The following CHRNG variants were observed in gnomAD, a reference collection of about 807,000 sequenced individuals.
The protein encoded by CHRNG is cholinergic receptor nicotinic gamma subunit.
CHRNG carries 72 observed loss-of-function variants against 65.2 expected under a neutral mutation model. That is an observed-to-expected ratio of 1.10 (90% CI 0.91 to 1.34). The LOEUF (loss-of-function observed/expected upper bound fraction) is 1.34, where lower values mean the gene tolerates loss of function less well. CHRNG is among the 40% of genes most tolerant of loss of function. CHRNG has a pLI of 0.00. For synonymous variants in CHRNG, 284 were observed against 290.2 expected (o/e 0.98, Z 0.22); for missense variants, 637 against 680.1 (o/e 0.94, Z 0.70).
intron 11 of CHRNG, among the ~76,000 whole-genome samples, chr2:232,545,252 A>C (rs2106223422): frequency 6.6e-6 from 1 of 151,810 alleles, no homozygotes; most frequent in African/African-American, 2.4e-5. Context: ...GGTTGCAGTG[A>C]GCCAAGCCAA....
At position 232,546,306 on chromosome 2, in the gene CHRNG, CTCTTTTTT is replaced by C. The variant is rs1299931978; in HGVS notation, c.*592_*599del. On this transcript the variant is annotated 3_prime_UTR_variant, in exon 12 of 12. Coordinates refer to ENST00000651502, the MANE Select transcript of CHRNG (RefSeq NM_005199.5). ...AGACGATTTCCTGAGTTTTGTAATC[CTCTTTTTT>C]TTTTTTTTTTTTTTAGTTTTTGATG... 1.8e-3 allele frequency: 241 copies of C among 132,636 alleles called. No individual in the cohort carries two copies. The highest frequency in any genetic ancestry group is 4.8e-3 in the South Asian group (20 of 4,144). 8.2% of individuals were successfully genotyped at this position (132,636 alleles called of 1,614,324 possible).
At position 232,545,570 on chromosome 2, in the gene CHRNG, C is replaced by G; in HGVS notation, c.1408C>G (p.Arg470Gly). 6 of 1,613,932 alleles carry G rather than the reference C, an allele frequency of 3.7e-6. No homozygotes were observed. Among genetic ancestry groups the G allele is most frequent in the Non-Finnish European group, 5.1e-6 (6 of 1,179,996 alleles). Residue 470 changes from arginine (R) to glycine (G), a missense_variant, in exon 12 of 12, where the codon CGA becomes GGA. Coordinates refer to ENST00000651502, the MANE Select transcript of CHRNG (RefSeq NM_005199.5). ...GAATGAGGAGTGGTTCCTGGTGGGC[C>G]GAGTGCTGGACCGCGTCTGCTTCCT... is the stretch of plus-strand genomic sequence containing the variant. ...NGNEEWFLVG[R>G]VLDRVCFLAM...
At chr2:232,544,740 T>G (rs751397115) in intron 10 of CHRNG, 32 bp from the exon 11 acceptor site, 1 of 1,613,542 alleles carries the variant, frequency 6.2e-7, no homozygotes, top group Non-Finnish European at 8.5e-7. Context: ...TCCTCCATTC[T>G]ACTCCCAAAC....
rs1692146031 is a variant in CHRNG at position 232,547,072 on chromosome 2, C to G, written c.*1356C>G. Among the ~76,000 whole-genome samples the G allele has an allele frequency of 6.6e-6, 1 of 152,156 alleles. No individual in the cohort carries two copies. The highest frequency in any genetic ancestry group is 2.4e-5 in the African/African-American group (1 of 41,436). Reference sequence around the variant, plus strand: ...CACCCTTGGGCAAGTCACCTATGCTCCCTGAGGCTGTTCCCTCATCTGTAA... The same window carrying G: ...CACCCTTGGGCAAGTCACCTATGCTGCCTGAGGCTGTTCCCTCATCTGTAA... On this transcript the variant is annotated 3_prime_UTR_variant, in exon 12 of 12. Coordinates refer to ENST00000651502, the MANE Select transcript of CHRNG (RefSeq NM_005199.5).
chr2:232,541,721 C>A lies in CHRNG; in HGVS notation c.506+192C>A. ...GGTGCCCAAGCTCTCCCTGCTAAGC[C>A]CGAGTCCCCTCACTCATCCTTTACT... On this transcript the variant is annotated intron_variant, in intron 5 of 11. Coordinates refer to ENST00000651502, the MANE Select transcript of CHRNG (RefSeq NM_005199.5). The surrounding 1 kb of genome is among the most constrained non-coding windows in gnomAD (Gnocchi z 4.0). 1 of 655,112 alleles carries A rather than the reference C, an allele frequency of 1.5e-6. No individual in the cohort carries two copies. The highest frequency in any genetic ancestry group is 2.7e-5 in the East Asian group (1 of 37,072). The allele number at this position is 655,112 out of a possible 1,614,324, so 40.6% of individuals were successfully genotyped here.
rs779181232 is a variant in CHRNG, at chr2:232,543,645, C to G, written c.981C>G (p.Leu327=). Residue 327 remains leucine (L), a synonymous_variant, in exon 9 of 12, where the codon CTC becomes CTG. Coordinates refer to ENST00000651502, the MANE Select transcript of CHRNG (RefSeq NM_005199.5). The part of the protein sequence containing the change: ...ILIVVNAVVV[L]NVSLRSPHTH... ...TTGTCGTGAATGCTGTGGTTGTGCT[C>G]AATGTCTCCTTGCGGTCTCCACACA... 6.2e-7 allele frequency: 1 copy of G among 1,614,006 alleles called. No homozygotes were observed. Among genetic ancestry groups the G allele is most frequent in the South Asian group, 1.1e-5 (1 of 91,070 alleles).
rs1449938852 is a variant in CHRNG at position 232,546,324 on chromosome 2, T to C, written c.*608T>C. 1 of 156,388 alleles carries C rather than the reference T, an allele frequency of 6.4e-6. No homozygotes were observed. The highest frequency in any genetic ancestry group is 1.4e-5 in the Non-Finnish European group (1 of 70,734). 9.7% of individuals were successfully genotyped at this position (156,388 alleles called of 1,614,324 possible). A position where few individuals can be genotyped will look rare whatever the true frequency, so the allele number is the denominator to read the frequency against. ...TGTAATCCTCTTTTTTTTTTTTTTT[T>C]TTTTAGTTTTTGATGTGTTGTTGTT... On this transcript the variant is annotated 3_prime_UTR_variant, in exon 12 of 12. Transcript: ENST00000651502.
Position 232,540,731 on chromosome 2 carries a change from A to G in CHRNG, c.350+20A>G, listed in dbSNP as rs765555989. ...GAACAAGTGAGGAGGGGGTGCAGGC[A>G]GGGGTGTGGGGGACAAAGGACACAG... On this transcript the variant is annotated intron_variant, in intron 4 of 11. Transcript: ENST00000651502. The surrounding 1 kb of genome is among the most constrained non-coding windows in gnomAD (Gnocchi z 4.2). 137 of 1,598,396 alleles carry G rather than the reference A, an allele frequency of 8.6e-5. No homozygotes were observed. The highest frequency in any genetic ancestry group is 1.1e-4 in the Non-Finnish European group (133 of 1,171,650).
At chr2:232,544,615 C>A (rs1164676591) in intron 10 of CHRNG, 35 bp downstream of exon 10, 1 of 1,589,518 alleles carries the variant, frequency 6.3e-7, no homozygotes, top group South Asian at 1.1e-5. Context: ...GGACAGTCCT[C>A]CCCTGGGACC....
chr2:232,540,256 AC>A lies in CHRNG; in HGVS notation c.196-120del. ...AATCGGACAGGCTGGGGTCTGGAAAACCCCCATGGTTGTGGGGGGAGTACTA... is the reference window on the plus strand; with the variant it reads ...AATCGGACAGGCTGGGGTCTGGAAAACCCCATGGTTGTGGGGGGAGTACTA... On this transcript the variant is annotated intron_variant, in intron 2 of 11. Transcript: ENST00000651502. This position sits in a 1 kb window ranked among gnomAD's most constrained non-coding sequence, Gnocchi z 4.2. 6.3e-7 allele frequency: 1 copy of A among 1,595,968 alleles called. No homozygotes were observed. Among genetic ancestry groups the A allele is most frequent in the Non-Finnish European group, 8.6e-7 (1 of 1,165,128 alleles).
chr2:232,545,398 T>C, intron 11 of CHRNG, 145 bp from the exon 12 acceptor site: 2 of 759,014 alleles, frequency 2.6e-6, no homozygotes. Context: ...GCCATGGAAT[T>C]AGCCACCAGT....
rs1424633494 is a variant in CHRNG at position 232,547,174 on chromosome 2, A to T, written c.*1458A>T. 6.6e-6 allele frequency among the ~76,000 whole-genome samples: 1 copy of T among 152,166 alleles called. No individual in the cohort carries two copies. Among genetic ancestry groups the T allele is most frequent in the South Asian group, 2.1e-4 (1 of 4,832 alleles). ...GCAATCCCAGCACCTTGGGAGGACAAGGTGGGTGGACTGCTTGAGCTCAGG... is the reference window on the plus strand; with the variant it reads ...GCAATCCCAGCACCTTGGGAGGACATGGTGGGTGGACTGCTTGAGCTCAGG... On this transcript the variant is annotated 3_prime_UTR_variant, in exon 12 of 12. Coordinates refer to ENST00000651502, the MANE Select transcript of CHRNG (RefSeq NM_005199.5).
chr2:232,544,411 C>T lies in CHRNG; in HGVS notation c.1080C>T (p.Arg360=). 2 of 1,613,560 alleles carry T rather than the reference C, an allele frequency of 1.2e-6. No homozygotes were observed. Among genetic ancestry groups the T allele is most frequent in the South Asian group, 2.2e-5 (2 of 91,090 alleles). The change falls in exon 10 of 12, where the codon CGC becomes CGT. Residue 360 remains arginine (R), a synonymous_variant. Transcript: ENST00000651502. ...CCCAGCTGCTGAGGATGCACGTTCG[C>T]CCGCTGGCCCCGGCAGCTGTGCAGG... ...LLPQLLRMHV[R]PLAPAAVQDT...
chr2:232,545,410 G>T, intron 11 of CHRNG, 133 bp from the exon 12 acceptor site: 1 of 830,518 alleles, frequency 1.2e-6, no homozygotes, highest in South Asian at 1.4e-5. Flanking sequence ...GCCACCAGTT[G>T]GGACCCGGAC....
chr2:232,546,969 TG>T lies in CHRNG; in HGVS notation c.*1257del. 9.3e-6 allele frequency among the ~76,000 whole-genome samples: 1 copy of T among 107,698 alleles called. No homozygotes were observed. Among genetic ancestry groups the T allele is most frequent in the South Asian group, 3.5e-4 (1 of 2,874 alleles). 70.7% of individuals were successfully genotyped at this position (107,698 alleles called of 152,430 possible). On this transcript the variant is annotated 3_prime_UTR_variant, in exon 12 of 12. Coordinates refer to ENST00000651502, the MANE Select transcript of CHRNG (RefSeq NM_005199.5). ...GACCCCACTAATCAGGTAGTAAGGC[TG>T]GGGTCTTCCTGGGGGAGAGGCAAGG...
In CHRNG at chr2:232,544,803, C is replaced by T; in HGVS notation, c.1281C>T (p.Phe427=). 1 of 1,613,956 alleles carries T rather than the reference C, an allele frequency of 6.2e-7. No homozygotes were observed. The highest frequency in any genetic ancestry group is 8.5e-7 in the Non-Finnish European group (1 of 1,179,996). The change falls in exon 11 of 12, where the codon TTC becomes TTT. Residue 427 remains phenylalanine (F), a synonymous_variant. Transcript: ENST00000651502. The part of the protein sequence containing the change: ...EKGPELGLSQ[F]CGSLKQAAPA... Reference sequence around the variant, plus strand: ...GCCCGGAGTTAGGGCTGAGCCAGTTCTGTGGCAGCCTGAAGCAGGCTGCCC... The same window carrying T: ...GCCCGGAGTTAGGGCTGAGCCAGTTTTGTGGCAGCCTGAAGCAGGCTGCCC...
In CHRNG at chr2:232,541,603, G is replaced by A; in HGVS notation, c.506+74G>A. ...CTGGGCAGTGGTGGGGTAAGGCCTG[G>A]GCAAGGCTTCTGGCCTTGGCTCTGG... On this transcript the variant is annotated intron_variant, in intron 5 of 11. Coordinates refer to ENST00000651502, the MANE Select transcript of CHRNG (RefSeq NM_005199.5). The surrounding 1 kb of genome is among the most constrained non-coding windows in gnomAD (Gnocchi z 4.0). 6.4e-7 allele frequency: 1 copy of A among 1,570,194 alleles called. No homozygotes were observed. Among genetic ancestry groups the A allele is most frequent in the South Asian group, 1.1e-5 (1 of 90,400 alleles).
At position 232,545,754 on chromosome 2, in the gene CHRNG, C is replaced by T. The variant is rs1012108738; in HGVS notation, c.*38C>T. On this transcript the variant is annotated 3_prime_UTR_variant, in exon 12 of 12. Transcript: ENST00000651502. ...CTGTGGGGCATGTGGGAGTCACACA[C>T]GTGGGTCACACTGAGTCTTATCAGC... 2.8e-5 allele frequency: 45 copies of T among 1,605,488 alleles called. No individual in the cohort carries two copies. The highest frequency in any genetic ancestry group is 3.3e-4 in the Middle Eastern group (2 of 6,070).
Position 232,543,011 on chromosome 2 carries a change from TCATCAA to T in CHRNG, c.740_745del (p.Asn247_Ile248del), listed in dbSNP as rs755046404. On this transcript the variant is annotated inframe_deletion, in exon 7 of 12. Coordinates refer to ENST00000651502, the MANE Select transcript of CHRNG (RefSeq NM_005199.5). Reference sequence around the variant, plus strand: ...ATCCAGCGCAAGCCCCTCTTCTACGTCATCAACATCATCGCCCCCTGTGTGCTCATC... The same window carrying T: ...ATCCAGCGCAAGCCCCTCTTCTACGTCATCATCGCCCCCTGTGTGCTCATC... The T allele has an allele frequency of 1.9e-6, 3 of 1,613,876 alleles. No individual in the cohort carries two copies. Among genetic ancestry groups the T allele is most frequent in the African/African-American group, 2.7e-5 (2 of 74,942 alleles).
Sources: gnomAD v4.1 joint callset for allele counts (sites outside exome capture counted in the v4.1 genomes callset) on GRCh38, gnomAD v4.1.1 for gene constraint, Gnocchi (gnomAD v3.1) non-coding constraint, MANE v1.5 for transcripts, NCBI Gene and HGNC (gene_info 2026-07-23, HGNC 2026-07-21) for gene names.